The following NKAIN3 variants were observed in gnomAD, a reference collection of about 807,000 sequenced individuals.
NKAIN3 encodes sodium/potassium transporting ATPase interacting 3.
Under a neutral mutation model 30.2 loss-of-function variants are expected in NKAIN3, and 25 were observed. The observed-to-expected ratio is 0.83, with a 90% CI of 0.60 to 1.16. NKAIN3 has a LOEUF of 1.16. Among genes scored for constraint, NKAIN3 ranks in the 50% most tolerant of loss-of-function variants. The pLI is 0.00. For missense variants in NKAIN3, 225 were observed against 254.1 expected (o/e 0.89, Z 0.78); for synonymous variants, 91 against 89.6 (o/e 1.02, Z -0.09).
chr8:62,906,121 T>C, intron 4 of NKAIN3, among the ~76,000 whole-genome samples: 1 of 152,172 alleles, frequency 6.6e-6, no homozygotes, highest in South Asian at 2.1e-4. Flanking sequence ...CCAAGAGGCA[T>C]GATAAATGGA....
chr8:62,282,620 T>C (rs138905681), intron 1 of NKAIN3, among the ~76,000 whole-genome samples: 214 of 152,286 alleles, frequency 1.4e-3, no homozygotes, highest in African/African-American at 4.9e-3. Flanking sequence ...TGCCCCTTTG[T>C]ATAATGAAAT....
chr8:62,662,527 C>T (rs1812978197), intron 3 of NKAIN3, among the ~76,000 whole-genome samples: 1 of 152,168 alleles, frequency 6.6e-6, no homozygotes, highest in Non-Finnish European at 1.5e-5. Flanking sequence ...ATCATCGTAT[C>T]CCCCTAACCT....
chr8:62,951,895 G>A, intron 5 of NKAIN3, among the ~76,000 whole-genome samples: 1 of 152,118 alleles, frequency 6.6e-6, no homozygotes, highest in Non-Finnish European at 1.5e-5. Context: ...CCATCTCCCA[G>A]GTTCTAGCAA....
intron 4 of NKAIN3, among the ~76,000 whole-genome samples, chr8:62,864,613 T>C (rs1184004119): frequency 6.6e-6 from 1 of 152,202 alleles, no homozygotes; most frequent in Non-Finnish European, 1.5e-5. Context: ...GTTTTCCACC[T>C]CGTTGTTTTC....
intron 1 of NKAIN3, among the ~76,000 whole-genome samples, chr8:62,356,746 G>A (rs1816369904): frequency 6.6e-6 from 1 of 152,086 alleles, no homozygotes; most frequent in African/African-American, 2.4e-5. Context: ...ATCTTCCAGT[G>A]GTTGACATTT....
intron 5 of NKAIN3, among the ~76,000 whole-genome samples, chr8:62,992,871 C>T (rs1824349973): frequency 1.3e-5 from 2 of 152,084 alleles, no homozygotes; most frequent in Admixed American, 6.5e-5. Context: ...TACTTGCCTT[C>T]GTGCATAAGA....
At chr8:62,510,363 T>G (rs901551122) in intron 1 of NKAIN3, among the ~76,000 whole-genome samples, 2 of 152,270 alleles carry the variant, frequency 1.3e-5, no homozygotes, top group South Asian at 2.1e-4. Flanking sequence ...ACCTTCATTC[T>G]TTGTTCAGGG....
intron 1 of NKAIN3, among the ~76,000 whole-genome samples, chr8:62,410,931 GATTA>G: frequency 6.6e-6 from 1 of 152,256 alleles, no homozygotes; most frequent in Admixed American, 6.5e-5. Context: ...CAGTGGACGA[GATTA>G]ATTCACAGTT....
At chr8:62,422,654 G>T (rs938830150) in intron 1 of NKAIN3, among the ~76,000 whole-genome samples, 1 of 152,054 alleles carries the variant, frequency 6.6e-6, no homozygotes, top group African/African-American at 2.4e-5. Context: ...TGTTATGTCA[G>T]AAATTTTTCA....
chr8:62,614,238 T>C lies in NKAIN3; in HGVS notation c.273+24444T>C, dbSNP rs574059045. 2.0e-5 allele frequency among the ~76,000 whole-genome samples: 3 copies of C among 152,306 alleles called. No individual in the cohort carries two copies. In the East Asian group the frequency reaches 5.8e-4, roughly 30 times the overall value. ...GATGGCATCACAAGCCCAGTAACTCTGTGTTTCTTGCAGACTCATAGGAAT... is the reference window on the plus strand; with the variant it reads ...GATGGCATCACAAGCCCAGTAACTCCGTGTTTCTTGCAGACTCATAGGAAT... On this transcript the variant is annotated intron_variant, in intron 3 of 6. Coordinates refer to ENST00000623646, the MANE Select transcript of NKAIN3 (RefSeq NM_001304533.3).
chr8:62,340,680 G>A (rs1357224346), intron 1 of NKAIN3, among the ~76,000 whole-genome samples: 1 of 151,950 alleles, frequency 6.6e-6, no homozygotes, highest in African/African-American at 2.4e-5. Context: ...AAGGGTAGGG[G>A]GAATCTTGCT....
intron 3 of NKAIN3, among the ~76,000 whole-genome samples, chr8:62,688,190 G>A (rs923157650): frequency 1.3e-5 from 2 of 152,148 alleles, no homozygotes; most frequent in African/African-American, 4.8e-5. Context: ...TTCTTAGAAA[G>A]TTCATTCTTA....
chr8:62,825,788 A>G (rs1462089327), intron 4 of NKAIN3, among the ~76,000 whole-genome samples: 4 of 152,158 alleles, frequency 2.6e-5, no homozygotes, highest in African/African-American at 9.7e-5. Flanking sequence ...GTATGGGGTG[A>G]CAGAGCTTGG....
intron 2 of NKAIN3, among the ~76,000 whole-genome samples, chr8:62,588,347 T>G (rs1433821488): frequency 6.6e-6 from 1 of 151,872 alleles, no homozygotes; most frequent in Non-Finnish European, 1.5e-5. Flanking sequence ...TCTTAACTTT[T>G]TAACATGTTT....
At chr8:62,552,565 G>A (rs1168784221) in intron 1 of NKAIN3, among the ~76,000 whole-genome samples, 2 of 152,178 alleles carry the variant, frequency 1.3e-5, no homozygotes, top group Admixed American at 6.5e-5. Context: ...AATGAAAAAT[G>A]AAACATGCCA....
chr8:62,390,476 G>A (rs558946235), intron 1 of NKAIN3, among the ~76,000 whole-genome samples: 1 of 152,150 alleles, frequency 6.6e-6, no homozygotes, highest in South Asian at 2.1e-4. Context: ...TTTCATGTTT[G>A]GCTATTGTGA....
intron 3 of NKAIN3, among the ~76,000 whole-genome samples, chr8:62,634,724 T>A (rs1470663125): frequency 6.6e-6 from 1 of 152,130 alleles, no homozygotes; most frequent in South Asian, 2.1e-4. Context: ...CATGGACTTG[T>A]GGTGAAAATT....
rs778124426 is a variant in NKAIN3 at position 62,747,089 on chromosome 8, A to G, written c.431A>G (p.Tyr144Cys). The G allele has an allele frequency of 1.3e-5, 21 of 1,612,698 alleles. No homozygotes were observed. Among genetic ancestry groups the G allele is most frequent in the East Asian group, 2.2e-5 (1 of 44,860 alleles). ...SVTGCIVDFQ[Y>C]LEVIHSAVQI... ...ACAGGCTGCATCGTTGACTTCCAGTACCTGGAGGTCATCCACAGTGCTGTC... is the reference window on the plus strand; with the variant it reads ...ACAGGCTGCATCGTTGACTTCCAGTGCCTGGAGGTCATCCACAGTGCTGTC... Residue 144 changes from tyrosine (Y) to cysteine (C), a missense_variant, in exon 4 of 7, where the codon TAC becomes TGC. Transcript: ENST00000623646.
At chr8:62,522,296 T>C (rs144972457) in intron 1 of NKAIN3, among the ~76,000 whole-genome samples, 20 of 152,210 alleles carry the variant, frequency 1.3e-4, no homozygotes, top group African/African-American at 4.6e-4. Context: ...ACTCATGTGT[T>C]TGTGGTGATG....
Sources: gnomAD v4.1 joint callset for allele counts (sites outside exome capture counted in the v4.1 genomes callset) on GRCh38, gnomAD v4.1.1 for gene constraint, MANE v1.5 for transcripts, NCBI Gene and HGNC (gene_info 2026-07-23, HGNC 2026-07-21) for gene names.